SLC23A2: variants seen among roughly 807,000 people sequenced by gnomAD.
SLC23A2 encodes Na(+)/L-ascorbic acid transporter 2.
Under a neutral mutation model 73.3 loss-of-function variants are expected in SLC23A2, and 36 were observed. The ratio of observed to expected loss-of-function variants is 0.49; its 90% CI spans 0.38 to 0.65. SLC23A2 has a LOEUF of 0.65. SLC23A2 is among the 30% of genes least tolerant of loss of function. SLC23A2 has a pLI of 0.00. For synonymous variants in SLC23A2, 343 were observed against 327.3 expected (o/e 1.05, Z -0.52); for missense variants, 507 against 841.6 (o/e 0.60, Z 4.92).
chr20:4,867,881 A>T lies in SLC23A2; in HGVS notation c.1251-6T>A. The T allele has an allele frequency of 1.4e-6, 2 of 1,476,120 alleles. No homozygotes were observed. The highest frequency in any genetic ancestry group is 1.9e-6 in the Non-Finnish European group (2 of 1,055,088). The allele number at this position is 1,476,120 out of a possible 1,614,324, so 91.4% of individuals were successfully genotyped here. On this transcript the variant is annotated splice_polypyrimidine_tract_variant and splice_region_variant and intron_variant, in intron 12 of 16. Coordinates refer to ENST00000338244, the MANE Select transcript of SLC23A2 (RefSeq NM_005116.6). Reference sequence around the variant, plus strand: ...GGCCTTCCACGAAAATTCCCCTAAGATGTAAAGGAATGGAGGAAAGAAAAT... The same window carrying T: ...GGCCTTCCACGAAAATTCCCCTAAGTTGTAAAGGAATGGAGGAAAGAAAAT...
chr20:4,962,041 T>A (rs1271035633), intron 2 of SLC23A2, among the ~76,000 whole-genome samples: 1 of 151,572 alleles, frequency 6.6e-6, no homozygotes, highest in African/African-American at 2.4e-5. Flanking sequence ...GTTTTCTTAA[T>A]GAACTAAGAA....
intron 3 of SLC23A2, among the ~76,000 whole-genome samples, chr20:4,924,367 GC>G (rs141625176): frequency 0.012 from 1,828 of 152,238 alleles, 58 homozygotes; most frequent in South Asian, 0.063. Context: ...GAAGGGACTT[GC>G]CCCCACCCTC....
rs371849987 is a variant in SLC23A2, at chr20:4,859,387, A to G, written c.1625-3T>C. Reference sequence around the variant, plus strand: ...CACTTGATCGATTCCTGTTATCCCTAGAAAGAGAACACAGCCATAAACGAT... The same window carrying G: ...CACTTGATCGATTCCTGTTATCCCTGGAAAGAGAACACAGCCATAAACGAT... On this transcript the variant is annotated splice_region_variant and splice_polypyrimidine_tract_variant and intron_variant, in intron 15 of 16. Transcript: ENST00000338244. The G allele has an allele frequency of 2.4e-5, 39 of 1,599,268 alleles. No individual in the cohort carries two copies. The Admixed American group carries it at 2.8e-4, about 12-fold the overall frequency.
At chr20:4,946,329 A>G (rs928605777) in intron 2 of SLC23A2, among the ~76,000 whole-genome samples, 1 of 152,044 alleles carries the variant, frequency 6.6e-6, no homozygotes, top group Non-Finnish European at 1.5e-5. Flanking sequence ...CTGACTGTAG[A>G]AAAAAAGGGT....
intron 2 of SLC23A2, among the ~76,000 whole-genome samples, chr20:4,957,885 A>C (rs1441634777): frequency 5.5e-5 from 8 of 146,468 alleles, no homozygotes; most frequent in Non-Finnish European, 1.0e-4. Context: ...TGGGCAACAG[A>C]GTGAGACTCC....
At chr20:4,965,213 A>G (rs145612796) in intron 2 of SLC23A2, among the ~76,000 whole-genome samples, 71 of 152,266 alleles carry the variant, frequency 4.7e-4, no homozygotes, top group African/African-American at 1.5e-3. Flanking sequence ...GCCTAAATTT[A>G]TCATTCCTAA....
At chr20:4,940,394 C>A (rs2087021921) in intron 2 of SLC23A2, among the ~76,000 whole-genome samples, 1 of 151,746 alleles carries the variant, frequency 6.6e-6, no homozygotes, top group South Asian at 2.1e-4. Flanking sequence ...GAGATAAGAA[C>A]CCTAATGTAA....
chr20:4,987,681 T>C (rs952548112), intron 1 of SLC23A2, among the ~76,000 whole-genome samples: 4 of 152,014 alleles, frequency 2.6e-5, no homozygotes, highest in African/African-American at 7.2e-5. Flanking sequence ...ACCCCGTCTC[T>C]ACTAAAAATA....
At chr20:4,945,726 G>A (rs560685422) in intron 2 of SLC23A2, among the ~76,000 whole-genome samples, 3 of 152,252 alleles carry the variant, frequency 2.0e-5, no homozygotes, top group Non-Finnish European at 2.9e-5. Flanking sequence ...AGGGGTAACC[G>A]AGAGTGTCAA....
At chr20:4,858,055 ATCTT>A (rs1929805728) in intron 16 of SLC23A2, among the ~76,000 whole-genome samples, 1 of 152,204 alleles carries the variant, frequency 6.6e-6, no homozygotes, top group Non-Finnish European at 1.5e-5. Flanking sequence ...ACAGGGCTGA[ATCTT>A]TATTGTATCA....
intron 3 of SLC23A2, among the ~76,000 whole-genome samples, chr20:4,913,780 C>T (rs926942360): frequency 3.3e-5 from 5 of 151,986 alleles, no homozygotes; most frequent in African/African-American, 4.8e-5. Context: ...GTGCCCACCA[C>T]AACACCTGGC....
chr20:4,970,401 G>C (rs894372598), intron 2 of SLC23A2, among the ~76,000 whole-genome samples: 1 of 152,040 alleles, frequency 6.6e-6, no homozygotes, highest in African/African-American at 2.4e-5. Context: ...AGTACAAAAG[G>C]GTTCTAATGC....
At chr20:4,977,815 AG>A (rs1390723445) in intron 1 of SLC23A2, among the ~76,000 whole-genome samples, 2 of 152,140 alleles carry the variant, frequency 1.3e-5, no homozygotes, top group African/African-American at 2.4e-5. Context: ...CTAGGATTAC[AG>A]GTATGAGCTA....
intron 6 of SLC23A2, among the ~76,000 whole-genome samples, chr20:4,889,510 C>T (rs1931238511): frequency 6.6e-6 from 1 of 151,806 alleles, no homozygotes; most frequent in African/African-American, 2.4e-5. Flanking sequence ...CTTGAAGGAA[C>T]CAAGCCACAG....
At chr20:5,000,556 G>C (rs1377042544) in intron 1 of SLC23A2, among the ~76,000 whole-genome samples, 1 of 152,136 alleles carries the variant, frequency 6.6e-6, no homozygotes, top group African/African-American at 2.4e-5. Flanking sequence ...TACTACAAAC[G>C]CTGCAGACCC....
intron 2 of SLC23A2, among the ~76,000 whole-genome samples, chr20:4,944,118 A>G (rs1478323256): frequency 3.3e-5 from 5 of 152,244 alleles, no homozygotes; most frequent in African/African-American, 1.2e-4. Flanking sequence ...CACTATCGCA[A>G]TAAAATTGAC....
In SLC23A2 at chr20:4,874,076, A is replaced by T. The variant is rs1248804525; in HGVS notation, c.962T>A (p.Leu321Gln). 1.9e-6 allele frequency: 3 copies of T among 1,613,492 alleles called. No individual in the cohort carries two copies. The highest frequency in any genetic ancestry group is 2.5e-6 in the Non-Finnish European group (3 of 1,179,622). ...FKMFPIILAI[L>Q]VSWLLCFIFT... The stretch of plus-strand genomic sequence containing the variant: ...GATGAAGCAGAGCAGCCAGGATACC[A>T]GGATGGCCAGGATGATCTGGAGTGG... The change falls in exon 11 of 17, where the codon CTG becomes CAG. Residue 321 changes from leucine to glutamine, a missense_variant. Physicochemically the swap from Leu to Gln is moderately radical, Grantham distance 113 (BLOSUM62 -2). Transcript: ENST00000338244.
intron 3 of SLC23A2, among the ~76,000 whole-genome samples, chr20:4,918,718 G>A (rs1932406718): frequency 6.6e-6 from 1 of 152,006 alleles, no homozygotes; most frequent in Non-Finnish European, 1.5e-5. Context: ...CCTGTCAAGC[G>A]GAGGGCACTA....
At chr20:4,907,309 G>A (rs566258983) in intron 4 of SLC23A2, among the ~76,000 whole-genome samples, 3 of 151,956 alleles carry the variant, frequency 2.0e-5, no homozygotes, top group South Asian at 2.1e-4. Flanking sequence ...GAGACAACAC[G>A]GCTTTCCACC....
Sources: allele counts gnomAD v4.1 joint callset (sites outside exome capture counted in the v4.1 genomes callset), GRCh38; gene constraint gnomAD v4.1.1; transcripts MANE v1.5; gene names NCBI Gene and HGNC (gene_info 2026-07-23, HGNC 2026-07-21).